The following OSBPL10 variants were observed in gnomAD, a reference collection of about 807,000 sequenced individuals.
The protein encoded by OSBPL10 is oxysterol-binding protein-related protein 10.
OSBPL10 carries 49 observed loss-of-function variants against 81.7 expected under a neutral mutation model. The observed-to-expected ratio is 0.60, with a 90% CI of 0.48 to 0.76. OSBPL10 has a LOEUF of 0.76. Ranked by LOEUF, OSBPL10 falls within the 30% of genes least tolerant of loss-of-function variation. The probability of loss-of-function intolerance (pLI) is 0.00; values close to 1 mark genes in which losing one functional copy is unlikely to be tolerated. For missense variants in OSBPL10, 923 were observed against 987.8 expected, an observed-to-expected ratio of 0.93 and a Z score of 0.88; for synonymous variants, 419 against 383.6, an observed-to-expected ratio of 1.09 and a Z score of -1.08.
chr3:31,741,303 T>C lies in OSBPL10; in HGVS notation c.940+6607A>G, dbSNP rs370181510. 9.0e-4 allele frequency among the ~76,000 whole-genome samples: 137 copies of C among 152,368 alleles called. 2 individuals carry two copies. Among genetic ancestry groups the C allele is most frequent in the African/African-American group, 2.9e-3 (119 of 41,586 alleles). Reference sequence around the variant, plus strand: ...TTTTTTGAGACGGAGTCTCGCTCTGTCACTAGGCTGGAGTGCAGTGGCACA... The same window carrying C: ...TTTTTTGAGACGGAGTCTCGCTCTGCCACTAGGCTGGAGTGCAGTGGCACA... On this transcript the variant is annotated intron_variant, in intron 5 of 11. Transcript: ENST00000396556.
chr3:31,670,651 A>G, intron 9 of OSBPL10, 146 bp downstream of exon 9: 1 of 914,388 alleles, frequency 1.1e-6, no homozygotes, highest in Non-Finnish European at 1.6e-6. Context: ...TAAGGTAGGG[A>G]AAAGGCATCT....
chr3:31,764,105 C>A (rs866935471), intron 4 of OSBPL10, among the ~76,000 whole-genome samples: 1 of 152,166 alleles, frequency 6.6e-6, no homozygotes, highest in South Asian at 2.1e-4. Flanking sequence ...AAGAGCTAAC[C>A]GCCCTTTGCA....
chr3:31,898,033 A>G (rs1488683268), intron 1 of OSBPL10, among the ~76,000 whole-genome samples: 1 of 103,628 alleles, frequency 9.6e-6, no homozygotes, highest in African/African-American at 5.5e-5. Context: ...AAAAAAAAAA[A>G]AAAACAGAAG....
intron 3 of OSBPL10, among the ~76,000 whole-genome samples, chr3:31,839,816 C>G (rs950635762): frequency 1.3e-5 from 2 of 150,806 alleles, no homozygotes; most frequent in African/African-American, 2.4e-5. Context: ...TTAGAAATTA[C>G]AGACAACAGC....
chr3:31,747,634 A>T (rs1697567660), intron 5 of OSBPL10, among the ~76,000 whole-genome samples: 1 of 152,180 alleles, frequency 6.6e-6, no homozygotes, highest in Non-Finnish European at 1.5e-5. Flanking sequence ...AAAATGTTAC[A>T]TTTTTAACTT....
chr3:31,787,780 C>A (rs1698896274), intron 4 of OSBPL10, among the ~76,000 whole-genome samples: 2 of 152,172 alleles, frequency 1.3e-5, no homozygotes, highest in South Asian at 4.1e-4. Flanking sequence ...AATTTGAAAT[C>A]TACATGCCTT....
rs74478180 is a variant in OSBPL10, at chr3:31,671,512, G to T, written c.1727-529C>A. 1.9e-3 allele frequency among the ~76,000 whole-genome samples: 285 copies of T among 152,244 alleles called. 1 individual carries two copies. Among genetic ancestry groups the T allele is most frequent in the Non-Finnish European group, 3.4e-3 (230 of 68,000 alleles). ...ACCAAGTCAGCAGGGGTCAGACCTT[G>T]TCTTTTAAACTTCTAGGAAGAGTTC... On this transcript the variant is annotated intron_variant, in intron 8 of 11. Transcript: ENST00000396556.
chr3:32,045,588 C>T (rs758848759), intron 2 of OSBPL10, among the ~76,000 whole-genome samples: 19 of 152,122 alleles, frequency 1.2e-4, no homozygotes, highest in African/African-American at 3.1e-4. Flanking sequence ...ACAGCTCTAG[C>T]CTGTAGTCAG....
At chr3:31,982,135 G>A (rs1698863189), upstream of OSBPL10, among the ~76,000 whole-genome samples, 1 of 152,164 alleles carries the variant, frequency 6.6e-6, no homozygotes, top group Non-Finnish European at 1.5e-5. Context: ...CCTAGGAGCA[G>A]AGGCTCTGAA....
intron 3 of OSBPL10, among the ~76,000 whole-genome samples, chr3:31,869,877 TATC>T (rs928740070): frequency 6.6e-6 from 1 of 152,214 alleles, no homozygotes; most frequent in African/African-American, 2.4e-5. Flanking sequence ...AAGTATTAAT[TATC>T]ATTACTTCTG....
At chr3:31,924,794 G>A (rs1697024109) in intron 1 of OSBPL10, among the ~76,000 whole-genome samples, 1 of 152,016 alleles carries the variant, frequency 6.6e-6, no homozygotes, top group Admixed American at 6.6e-5. Context: ...ATACATAGAT[G>A]AATAACTGTG....
chr3:32,050,532 C>G (rs1250974608), intron 1 of OSBPL10, among the ~76,000 whole-genome samples: 1 of 152,156 alleles, frequency 6.6e-6, no homozygotes, highest in Non-Finnish European at 1.5e-5. Context: ...CTCATACACT[C>G]ATGGTTAAGT....
intron 3 of OSBPL10, among the ~76,000 whole-genome samples, chr3:31,855,320 A>G (rs1360440128): frequency 6.6e-6 from 1 of 152,200 alleles, no homozygotes; most frequent in Non-Finnish European, 1.5e-5. Context: ...ATGCTCGGTG[A>G]GTTGTCATGT....
At chr3:32,002,627 C>A (rs181904139) in intron 2 of OSBPL10, among the ~76,000 whole-genome samples, 4 of 133,526 alleles carry the variant, frequency 3.0e-5, no homozygotes, top group African/African-American at 7.7e-5. Flanking sequence ...TGACTTAGAT[C>A]CTCCAGGCAA....
chr3:31,892,703 G>A (rs539358364), intron 1 of OSBPL10, among the ~76,000 whole-genome samples: 55 of 152,330 alleles, frequency 3.6e-4, no homozygotes, highest in African/African-American at 1.3e-3. Flanking sequence ...GGGTTCTGCT[G>A]CCTGAGGGAG....
intron 4 of OSBPL10, 47 bp from the exon 5 acceptor site, chr3:31,748,167 C>T (rs1036278507): frequency 1.1e-5 from 17 of 1,537,502 alleles, no homozygotes; most frequent in Admixed American, 7.6e-5. Flanking sequence ...GAAGTTCTTT[C>T]GACAGGCTGG....
chr3:31,817,636 C>T (rs1323237847), intron 4 of OSBPL10, among the ~76,000 whole-genome samples: 2 of 152,308 alleles, frequency 1.3e-5, no homozygotes, highest in Admixed American at 6.5e-5. Flanking sequence ...GATCCACAGC[C>T]GCAGTTTGGG....
At chr3:31,758,018 A>G (rs938337152) in intron 4 of OSBPL10, among the ~76,000 whole-genome samples, 3 of 152,204 alleles carry the variant, frequency 2.0e-5, no homozygotes, top group Admixed American at 6.5e-5. Flanking sequence ...AATAAGGATG[A>G]CTAAACTATA....
intron 1 of OSBPL10, among the ~76,000 whole-genome samples, chr3:31,892,635 C>T (rs1327459294): frequency 3.3e-5 from 5 of 152,230 alleles, no homozygotes; most frequent in African/African-American, 9.6e-5. Flanking sequence ...GGGATCATGC[C>T]TGGGCTGTCC....
Sources: gnomAD v4.1 joint callset for allele counts (sites outside exome capture counted in the v4.1 genomes callset) on GRCh38, gnomAD v4.1.1 for gene constraint, MANE v1.5 for transcripts, NCBI Gene and HGNC (gene_info 2026-07-23, HGNC 2026-07-21) for gene names.